The following PDE4D variants were observed in gnomAD, a reference collection of about 807,000 sequenced individuals.
The protein encoded by PDE4D is phosphodiesterase 4D, also known as 3',5'-cyclic-AMP phosphodiesterase 4D.
In PDE4D, 24 loss-of-function variants were observed where a neutral mutation model predicts 87.4. The ratio of observed to expected loss-of-function variants is 0.27; its 90% CI spans 0.20 to 0.39. The LOEUF is 0.39. PDE4D is among the 10% of genes least tolerant of loss of function. The probability of loss-of-function intolerance (pLI) is 1.00; values close to 1 mark genes in which losing one functional copy is unlikely to be tolerated. For missense variants in PDE4D, 714 were observed against 1,041.0 expected (o/e 0.69, Z 4.32); for synonymous variants, 384 against 383.2 (o/e 1.00, Z -0.02).
At chr5:60,063,289 C>T (rs1771695601) in intron 2 of PDE4D, among the ~76,000 whole-genome samples, 1 of 152,060 alleles carries the variant, frequency 6.6e-6, no homozygotes, top group Non-Finnish European at 1.5e-5. Context: ...GTGATTCTTT[C>T]TTAACTTTAT....
intron 1 of PDE4D, among the ~76,000 whole-genome samples, chr5:59,777,093 A>G (rs1314020249): frequency 2.6e-5 from 4 of 152,206 alleles, no homozygotes; most frequent in Non-Finnish European, 5.9e-5. Flanking sequence ...CATAGCTGAT[A>G]GATAATGCAA....
In PDE4D at chr5:59,822,979, G is replaced by A. The variant is rs574932602; in HGVS notation, c.455+70189C>T. ...CCATTTTTCCTAATGGTCTTGTCAC[G>A]TAAAAGAGTTATACCCTGGTTTACA... On this transcript the variant is annotated intron_variant, in intron 1 of 14. Coordinates refer to ENST00000340635, the MANE Select transcript of PDE4D (RefSeq NM_001104631.2). Among the ~76,000 whole-genome samples the A allele has an allele frequency of 2.4e-4, 37 of 152,242 alleles. No individual in the cohort carries two copies. The South Asian group carries it at 7.0e-3, about 29-fold the overall frequency.
intron 1 of PDE4D, among the ~76,000 whole-genome samples, chr5:59,517,471 G>C (rs1004813119): frequency 6.6e-6 from 1 of 152,102 alleles, no homozygotes; most frequent in Non-Finnish European, 1.5e-5. Flanking sequence ...TTTGTCACAG[G>C]TTTGCCTATT....
intron 1 of PDE4D, among the ~76,000 whole-genome samples, chr5:59,684,071 A>G (rs941503167): frequency 2.0e-5 from 3 of 152,198 alleles, no homozygotes; most frequent in African/African-American, 7.2e-5. Flanking sequence ...ATGCTCCTTC[A>G]TATAACCATG....
At chr5:59,339,029 A>G (rs1056877981) in intron 1 of PDE4D, among the ~76,000 whole-genome samples, 2 of 152,324 alleles carry the variant, frequency 1.3e-5, no homozygotes, top group East Asian at 3.9e-4. Context: ...TAACTTATTT[A>G]TCTTGTCATT....
intron 1 of PDE4D, among the ~76,000 whole-genome samples, chr5:59,790,612 T>C (rs1259757962): frequency 6.6e-6 from 1 of 152,208 alleles, no homozygotes; most frequent in Non-Finnish European, 1.5e-5. Flanking sequence ...CCTACGGAGC[T>C]GCTGACGTTA....
intron 1 of PDE4D, among the ~76,000 whole-genome samples, chr5:59,382,874 AATTCAATTATTCTAAGC>A (rs1318463528): frequency 6.6e-6 from 1 of 152,180 alleles, no homozygotes; most frequent in Non-Finnish European, 1.5e-5. Context: ...ATATTTATGT[AATTCAATTATTCTAAGC>A]ATTGAAGTCA....
rs551236819 is a variant in PDE4D at position 59,073,510 on chromosome 5, G to A, written c.809-34539C>T. Among the ~76,000 whole-genome samples the A allele has an allele frequency of 2.8e-5, 4 of 140,406 alleles. No individual in the cohort carries two copies. In the South Asian group the frequency reaches 9.5e-4, roughly 34 times the overall value. 92.1% of individuals were successfully genotyped at this position (140,406 alleles called of 152,430 possible). ...ATACAGAAAATAAAGTGGGGGGCGG[G>A]GGGGGCGGGTGGTTGGAGATGAGGA... On this transcript the variant is annotated intron_variant, in intron 5 of 14. Transcript: ENST00000340635.
intron 1 of PDE4D, among the ~76,000 whole-genome samples, chr5:59,252,736 A>G (rs963968021): frequency 6.6e-6 from 1 of 152,098 alleles, no homozygotes; most frequent in African/African-American, 2.4e-5. Flanking sequence ...TATGTTGCCC[A>G]GGCTGGTCTT....
chr5:59,862,631 G>A (rs1746447089), intron 1 of PDE4D, among the ~76,000 whole-genome samples: 1 of 152,210 alleles, frequency 6.6e-6, no homozygotes, highest in African/African-American at 2.4e-5. Flanking sequence ...GTAGTTTTGA[G>A]CATGAGTGTA....
intron 1 of PDE4D, among the ~76,000 whole-genome samples, chr5:59,506,284 T>C (rs538776557): frequency 6.6e-6 from 1 of 152,258 alleles, no homozygotes; most frequent in South Asian, 2.1e-4. Context: ...TATACAGATT[T>C]CCCATATGTA....
At chr5:59,731,683 C>T (rs180940024) in intron 1 of PDE4D, among the ~76,000 whole-genome samples, 8 of 152,178 alleles carry the variant, frequency 5.3e-5, no homozygotes, top group East Asian at 1.9e-4. Flanking sequence ...TTCAAGCAAC[C>T]GCCTTCTTCC....
intron 1 of PDE4D, among the ~76,000 whole-genome samples, chr5:60,425,482 G>A (rs999966960): frequency 2.6e-5 from 4 of 152,172 alleles, no homozygotes; most frequent in Non-Finnish European, 5.9e-5. Context: ...CTAGCCATAT[G>A]TAGAAAGCTG....
At chr5:59,680,019 T>C (rs965828848) in intron 1 of PDE4D, among the ~76,000 whole-genome samples, 5 of 152,158 alleles carry the variant, frequency 3.3e-5, no homozygotes, top group Non-Finnish European at 5.9e-5. Context: ...AAATACACTT[T>C]TACATTTGTG....
intron 1 of PDE4D, among the ~76,000 whole-genome samples, chr5:59,519,460 C>A (rs1318696086): frequency 5.3e-5 from 8 of 152,166 alleles, no homozygotes; most frequent in Non-Finnish European, 1.0e-4. Flanking sequence ...GAAGAGAATT[C>A]CCAGCACTGG....
chr5:60,323,550 G>A (rs1232952616), intron 1 of PDE4D, among the ~76,000 whole-genome samples: 1 of 152,100 alleles, frequency 6.6e-6, no homozygotes, highest in Non-Finnish European at 1.5e-5. Context: ...ATTCTCTGCT[G>A]GTCTTTCCCC....
intron 1 of PDE4D, among the ~76,000 whole-genome samples, chr5:59,708,280 C>T (rs1391644886): frequency 1.3e-5 from 2 of 151,798 alleles, no homozygotes; most frequent in East Asian, 1.9e-4. Context: ...CTGTTCATGT[C>T]CTCTCAAACA....
In PDE4D at chr5:59,159,575, C is replaced by T. The variant is rs1464203046; in HGVS notation, c.808+21020G>A. 4.6e-5 allele frequency among the ~76,000 whole-genome samples: 7 copies of T among 152,142 alleles called. No homozygotes were observed. In the South Asian group the frequency reaches 6.2e-4, roughly 14 times the overall value. On this transcript the variant is annotated intron_variant, in intron 5 of 14. Transcript: ENST00000340635. ...TTTATTTTCTCTAGAGGTACAGTGA[C>T]GACTTACTTATCCAGATTAATTATC...
chr5:59,000,937 C>T (rs1028585634), intron 6 of PDE4D, among the ~76,000 whole-genome samples: 1 of 152,116 alleles, frequency 6.6e-6, no homozygotes, highest in Non-Finnish European at 1.5e-5. Flanking sequence ...GATCTGCCCA[C>T]CTCAGCCTCC....
Sources: gnomAD v4.1 joint callset for allele counts (sites outside exome capture counted in the v4.1 genomes callset) on GRCh38, gnomAD v4.1.1 for gene constraint, MANE v1.5 for transcripts, NCBI Gene and HGNC (gene_info 2026-07-23, HGNC 2026-07-21) for gene names.